C1orf87: variants seen among roughly 807,000 people sequenced by gnomAD.
C1orf87 encodes the protein uncharacterized protein C1orf87.
In C1orf87, 58 loss-of-function variants were observed where a neutral mutation model predicts 60.5. The ratio of observed to expected loss-of-function variants is 0.96; its 90% CI spans 0.78 to 1.19. C1orf87 has a LOEUF of 1.19. C1orf87 is among the 50% of genes most tolerant of loss of function. The pLI is 0.00. For missense variants in C1orf87, 673 were observed against 638.6 expected, an observed-to-expected ratio of 1.05 and a Z score of -0.58; for synonymous variants, 236 against 227.4, an observed-to-expected ratio of 1.04 and a Z score of -0.34.
At chr1:60,021,651 T>G (rs1482704508) in intron 8 of C1orf87, among the ~76,000 whole-genome samples, 1 of 152,174 alleles carries the variant, frequency 6.6e-6, no homozygotes, top group Non-Finnish European at 1.5e-5. Flanking sequence ...CTCTAGACAC[T>G]TTGGATACAT....
chr1:60,058,703 G>T (rs1487632958), intron 2 of C1orf87, among the ~76,000 whole-genome samples: 1 of 152,134 alleles, frequency 6.6e-6, no homozygotes, highest in Non-Finnish European at 1.5e-5. Context: ...TATTTACATG[G>T]CTTTTCAGTA....
At position 60,019,764 on chromosome 1, in the gene C1orf87, C is replaced by A. The variant is rs549235157; in HGVS notation, c.1127+5637G>T. 4.7e-4 allele frequency among the ~76,000 whole-genome samples: 72 copies of A among 152,256 alleles called. 2 individuals carry two copies. Among genetic ancestry groups the A allele is most frequent in the Non-Finnish European group, 8.8e-5 (6 of 68,024 alleles). On this transcript the variant is annotated intron_variant, in intron 8 of 11. Coordinates refer to ENST00000371201, the MANE Select transcript of C1orf87 (RefSeq NM_152377.3). Reference sequence around the variant, plus strand: ...CAGCAAAGAGAATGGCAGCATTTTGCCCTTGCCTTAGATATCTGTGGAACT... The same window carrying A: ...CAGCAAAGAGAATGGCAGCATTTTGACCTTGCCTTAGATATCTGTGGAACT...
chr1:60,029,544 C>T (rs1163282635), intron 7 of C1orf87, among the ~76,000 whole-genome samples: 2 of 151,838 alleles, frequency 1.3e-5, no homozygotes, highest in East Asian at 1.9e-4. Context: ...CAGGACTTAC[C>T]CTTTCCTGAA....
At chr1:59,992,780 C>G (rs10749719) in intron 11 of C1orf87, among the ~76,000 whole-genome samples, 134,125 of 152,210 alleles carry the variant, frequency 0.88, 59,178 homozygotes, top group East Asian at 0.96. Context: ...ACTCTCTAAT[C>G]GCTATTTTTA....
intron 7 of C1orf87, among the ~76,000 whole-genome samples, chr1:60,032,839 G>T (rs1340559892): frequency 6.6e-6 from 1 of 152,202 alleles, no homozygotes; most frequent in African/African-American, 2.4e-5. Flanking sequence ...ATGAGATAAT[G>T]TAAGCAAAGC....
intron 9 of C1orf87, chr1:60,008,552 T>C (rs1645061577): frequency 3.4e-6 from 1 of 289,966 alleles, no homozygotes; most frequent in African/African-American, 2.2e-5. Flanking sequence ...CCAATCTGAC[T>C]GGTGTCCTTA....
At chr1:60,048,858 C>A (rs1010525235) in intron 3 of C1orf87, among the ~76,000 whole-genome samples, 1 of 151,706 alleles carries the variant, frequency 6.6e-6, no homozygotes, top group Non-Finnish European at 1.5e-5. Flanking sequence ...AATAATGTAT[C>A]TTGTTATATT....
intron 3 of C1orf87, among the ~76,000 whole-genome samples, chr1:60,047,378 C>A (rs544980366): frequency 1.3e-5 from 2 of 152,000 alleles, no homozygotes; most frequent in East Asian, 1.9e-4. Flanking sequence ...TATTGATGCC[C>A]AAATTATGTC....
chr1:60,042,624 A>G (rs1230124763), intron 3 of C1orf87, among the ~76,000 whole-genome samples: 1 of 148,394 alleles, frequency 6.7e-6, no homozygotes, highest in East Asian at 2.0e-4. Context: ...AAGGCACCAC[A>G]TGGGTGTCCT....
intron 8 of C1orf87, among the ~76,000 whole-genome samples, chr1:60,025,137 T>G (rs1645190096): frequency 6.6e-6 from 1 of 152,214 alleles, no homozygotes; most frequent in African/African-American, 2.4e-5. Flanking sequence ...CCTTAAGTTC[T>G]TGCTGAGGAC....
At chr1:60,007,615 T>C (rs959751920) in intron 9 of C1orf87, among the ~76,000 whole-genome samples, 2 of 152,080 alleles carry the variant, frequency 1.3e-5, no homozygotes, top group Admixed American at 6.6e-5. Flanking sequence ...GTAGTTCAGT[T>C]TGAATTCCAA....
At chr1:60,053,097 C>T (rs1472359708) in intron 3 of C1orf87, among the ~76,000 whole-genome samples, 1 of 152,206 alleles carries the variant, frequency 6.6e-6, no homozygotes, top group Non-Finnish European at 1.5e-5. Flanking sequence ...AATGAACATG[C>T]TACCTATGGT....
chr1:60,038,030 G>A lies in C1orf87; in HGVS notation c.825C>T (p.Asp275=). The A allele has an allele frequency of 6.2e-7, 1 of 1,610,728 alleles. No individual in the cohort carries two copies. The highest frequency in any genetic ancestry group is 2.2e-5 in the East Asian group (1 of 44,838). ...TGCCATGACTCTCAGTTTTTCTCAG[G>A]TCTGCAGCTGCTTTATTTTGCTGTG... ...DYPQQNKAAA[D]LRKTESHGTH... is the part of the protein sequence containing the mutation. The change falls in exon 6 of 12, where the codon GAC becomes GAT. Residue 275 remains aspartate, a synonymous_variant. Coordinates refer to ENST00000371201, the MANE Select transcript of C1orf87 (RefSeq NM_152377.3).
intron 7 of C1orf87, among the ~76,000 whole-genome samples, chr1:60,028,442 A>G (rs906996993): frequency 2.0e-5 from 3 of 152,218 alleles, no homozygotes; most frequent in African/African-American, 7.2e-5. Context: ...CACGTTATTC[A>G]CGATTATTAT....
intron 8 of C1orf87, among the ~76,000 whole-genome samples, chr1:60,024,567 G>A (rs572427348): frequency 1.3e-5 from 2 of 152,072 alleles, no homozygotes; most frequent in African/African-American, 2.4e-5. Context: ...GGTAACTCTT[G>A]GAAATCTCCA....
At chr1:60,014,718 C>T (rs184118088) in intron 8 of C1orf87, among the ~76,000 whole-genome samples, 1 of 152,252 alleles carries the variant, frequency 6.6e-6, no homozygotes, top group East Asian at 1.9e-4. Flanking sequence ...TTCTTTGCCT[C>T]CTGAAATGTA....
At chr1:59,994,104 A>G (rs891441659) in intron 11 of C1orf87, among the ~76,000 whole-genome samples, 2 of 152,130 alleles carry the variant, frequency 1.3e-5, no homozygotes, top group African/African-American at 4.8e-5. Flanking sequence ...TATATAAAGA[A>G]CTTTCAATCT....
intron 8 of C1orf87, chr1:60,010,971 A>G (rs1424205513): frequency 3.3e-5 from 5 of 152,174 alleles, no homozygotes; most frequent in Non-Finnish European, 4.4e-5. Flanking sequence ...AATCTCATGA[A>G]ATTGCATCTC....
intron 3 of C1orf87, among the ~76,000 whole-genome samples, chr1:60,049,291 T>C (rs1470386449): frequency 6.6e-6 from 1 of 152,110 alleles, no homozygotes; most frequent in Non-Finnish European, 1.5e-5. Flanking sequence ...ATCAATTTCC[T>C]GGATTTTGCT....
Sources: gnomAD v4.1 joint callset for allele counts (sites outside exome capture counted in the v4.1 genomes callset) on GRCh38, gnomAD v4.1.1 for gene constraint, MANE v1.5 for transcripts, NCBI Gene and HGNC (gene_info 2026-07-23, HGNC 2026-07-21) for gene names.